HDAC4: variants seen among roughly 807,000 people sequenced by gnomAD.
HDAC4 encodes the protein histone deacetylase 4.
A neutral mutation model predicts 135.1 loss-of-function variants in HDAC4; 16 were observed. The observed-to-expected ratio is 0.12, with a 90% CI of 0.08 to 0.18. HDAC4 has a LOEUF of 0.18. Among genes scored for constraint, HDAC4 ranks in the 10% least tolerant of loss-of-function variants. The pLI is 1.00. For missense variants in HDAC4, 1,143 were observed against 1,511.8 expected (o/e 0.76, Z 4.05); for synonymous variants, 685 against 653.4 (o/e 1.05, Z -0.74).
intron 2 of HDAC4, among the ~76,000 whole-genome samples, chr2:239,239,807 AG>A (rs2048075072): frequency 1.3e-5 from 2 of 152,220 alleles, no homozygotes; most frequent in African/African-American, 2.4e-5. Context: ...CTGGGTTAAT[AG>A]GAAGTGCCTG....
At chr2:239,202,110 G>A (rs913920658) in intron 3 of HDAC4, among the ~76,000 whole-genome samples, 2 of 152,158 alleles carry the variant, frequency 1.3e-5, no homozygotes, top group Non-Finnish European at 2.9e-5. Context: ...AGGCGAGCGG[G>A]TGCTGCTGGA....
chr2:239,125,958 G>A (rs982399763), intron 12 of HDAC4, among the ~76,000 whole-genome samples: 5 of 152,386 alleles, frequency 3.3e-5, no homozygotes, highest in South Asian at 2.1e-4. Flanking sequence ...TACCCTGTAC[G>A]CTGCTCATGC....
At chr2:239,346,740 A>G (rs1293968803) in intron 2 of HDAC4, among the ~76,000 whole-genome samples, 1 of 145,586 alleles carries the variant, frequency 6.9e-6, no homozygotes, top group Non-Finnish European at 1.5e-5. Context: ...TCTAAAACAC[A>G]CCCTGACACA....
chr2:239,229,392 A>G (rs1219562500), intron 3 of HDAC4, among the ~76,000 whole-genome samples: 2 of 152,228 alleles, frequency 1.3e-5, no homozygotes, highest in African/African-American at 4.8e-5. Context: ...GATGGAGGGC[A>G]GTCAACAAAC....
chr2:239,177,376 G>A (rs762014845), intron 4 of HDAC4, among the ~76,000 whole-genome samples: 90 of 152,332 alleles, frequency 5.9e-4, no homozygotes, highest in Non-Finnish European at 1.2e-3. Flanking sequence ...ATCAGTGGAG[G>A]TGAAACCCAA....
At chr2:239,354,250 C>G (rs1314747546) in intron 1 of HDAC4, among the ~76,000 whole-genome samples, 1 of 152,194 alleles carries the variant, frequency 6.6e-6, no homozygotes, top group Non-Finnish European at 1.5e-5. Context: ...TTTTGAAGGG[C>G]TGTTTCCTAT....
chr2:239,278,016 C>T lies in HDAC4; in HGVS notation c.23-41352G>A, dbSNP rs145347319. ...CCAGCCACACACCCCAGCCACACAC[C>T]CTAGCAACACACTCCAGCCACACGC... On this transcript the variant is annotated intron_variant, in intron 2 of 26. Transcript: ENST00000543185. Among the ~76,000 whole-genome samples the T allele has an allele frequency of 6.5e-4, 41 of 63,332 alleles. 1 individual carries two copies. Among genetic ancestry groups the T allele is most frequent in the Admixed American group, 2.8e-3 (18 of 6,332 alleles). 41.5% of individuals were successfully genotyped at this position (63,332 alleles called of 152,430 possible).
At chr2:239,188,600 T>C (rs979175590) in intron 4 of HDAC4, among the ~76,000 whole-genome samples, 2 of 152,240 alleles carry the variant, frequency 1.3e-5, no homozygotes, top group Admixed American at 1.3e-4. Flanking sequence ...GTCCAACAGT[T>C]GCCACGAACC....
At chr2:239,286,350 GGTGA>G (rs1435023953) in intron 2 of HDAC4, among the ~76,000 whole-genome samples, 1 of 152,150 alleles carries the variant, frequency 6.6e-6, no homozygotes, top group Admixed American at 6.5e-5. Context: ...AAGGAGATTC[GGTGA>G]GTGAGAAGAT....
At chr2:239,225,821 T>A (rs1348935756) in intron 3 of HDAC4, among the ~76,000 whole-genome samples, 1 of 152,180 alleles carries the variant, frequency 6.6e-6, no homozygotes, top group South Asian at 2.1e-4. Flanking sequence ...GAGCCCCTCA[T>A]TGGAAACACA....
chr2:239,251,492 G>A (rs1442109732), intron 2 of HDAC4, among the ~76,000 whole-genome samples: 1 of 152,140 alleles, frequency 6.6e-6, no homozygotes, highest in Non-Finnish European at 1.5e-5. Context: ...CTACTTGGGA[G>A]GCTGAGGCAC....
intron 3 of HDAC4, among the ~76,000 whole-genome samples, chr2:239,235,233 A>G (rs528036932): frequency 6.6e-6 from 1 of 152,260 alleles, no homozygotes; most frequent in East Asian, 1.9e-4. Flanking sequence ...CCCCACAGAC[A>G]CAGAGAGCCT....
intron 2 of HDAC4, among the ~76,000 whole-genome samples, chr2:239,254,869 G>A (rs2048971245): frequency 6.6e-6 from 1 of 152,104 alleles, no homozygotes; most frequent in Non-Finnish European, 1.5e-5. Context: ...CACTAAACAT[G>A]GAAAAAGATC....
chr2:239,101,516 C>G (rs528612426), intron 16 of HDAC4, among the ~76,000 whole-genome samples: 1 of 152,284 alleles, frequency 6.6e-6, no homozygotes, highest in Admixed American at 6.5e-5. Flanking sequence ...CACGGCCCAC[C>G]CTCTCCTTGC....
At chr2:239,294,674 C>T (rs1045562212) in intron 2 of HDAC4, among the ~76,000 whole-genome samples, 42 of 151,934 alleles carry the variant, frequency 2.8e-4, no homozygotes, top group Admixed American at 2.7e-3. Context: ...GAGCTGGCTC[C>T]AGAACAGGGA....
At chr2:239,397,162 C>T (rs756066177) in intron 1 of HDAC4, among the ~76,000 whole-genome samples, 47 of 152,212 alleles carry the variant, frequency 3.1e-4, no homozygotes, top group Admixed American at 6.5e-4. Context: ...CCAAGCACCT[C>T]GACAAGCTGA....
chr2:239,315,621 G>T (rs2053084690), intron 2 of HDAC4, among the ~76,000 whole-genome samples: 1 of 152,096 alleles, frequency 6.6e-6, no homozygotes, highest in African/African-American at 2.4e-5. Context: ...GAACTCCAGG[G>T]CAGGATAAAG....
chr2:239,097,774 G>A (rs981972869), intron 16 of HDAC4, among the ~76,000 whole-genome samples: 21 of 152,282 alleles, frequency 1.4e-4, no homozygotes, highest in African/African-American at 3.9e-4. Flanking sequence ...GCTGCCCGTC[G>A]TCTGTAGTGG....
chr2:239,160,051 C>T (rs2042692612), intron 6 of HDAC4, among the ~76,000 whole-genome samples: 1 of 152,228 alleles, frequency 6.6e-6, no homozygotes, highest in Non-Finnish European at 1.5e-5. Flanking sequence ...CAGATTCGTA[C>T]CAGTGATTTC....
Sources: allele counts gnomAD v4.1 joint callset (sites outside exome capture counted in the v4.1 genomes callset), GRCh38; gene constraint gnomAD v4.1.1; transcripts MANE v1.5; gene names NCBI Gene and HGNC (gene_info 2026-07-23, HGNC 2026-07-21).